Variants in LRGUK observed in about 807,000 individuals in gnomAD.
LRGUK encodes leucine rich repeats and guanylate kinase domain containing, also known as leucine-rich repeat and guanylate kinase domain-containing protein.
In LRGUK, 65 loss-of-function variants were observed where a neutral mutation model predicts 76.0. The observed-to-expected ratio is 0.85, with a 90% confidence interval of 0.70 to 1.05. The LOEUF (loss-of-function observed/expected upper bound fraction) is 1.05, where lower values mean the gene tolerates loss of function less well. LRGUK is among the 50% of genes least tolerant of loss of function. The pLI is 0.00. For synonymous variants in LRGUK, 268 were observed against 265.6 expected, an observed-to-expected ratio of 1.01 and a Z score of -0.09; for missense variants, 758 against 732.8, an observed-to-expected ratio of 1.03 and a Z score of -0.40.
chr7:134,193,498 A>C (rs1468959467), intron 12 of LRGUK, among the ~76,000 whole-genome samples: 1 of 152,094 alleles, frequency 6.6e-6, no homozygotes, highest in Admixed American at 6.5e-5. Context: ...CTAGTCTAAA[A>C]AGTCACTACA....
At chr7:134,167,039 C>A (rs1287922609) in intron 7 of LRGUK, among the ~76,000 whole-genome samples, 1 of 152,168 alleles carries the variant, frequency 6.6e-6, no homozygotes, top group African/African-American at 2.4e-5. Flanking sequence ...CAGGGGCTGA[C>A]AACATTGATG....
At chr7:134,196,614 G>A (rs1048654605) in intron 12 of LRGUK, among the ~76,000 whole-genome samples, 1 of 152,204 alleles carries the variant, frequency 6.6e-6, no homozygotes, top group African/African-American at 2.4e-5. Flanking sequence ...TGGCACAGCT[G>A]AAATGGCGGC....
At chr7:134,214,221 T>G (rs1006743430), downstream of LRGUK, among the ~76,000 whole-genome samples, 18 of 120,932 alleles carry the variant, frequency 1.5e-4, no homozygotes, top group Non-Finnish European at 2.9e-4. Flanking sequence ...AGGATAGACT[T>G]TTTTTTTTTG....
At chr7:134,153,524 T>C (rs1305386370) in intron 5 of LRGUK, among the ~76,000 whole-genome samples, 1 of 152,166 alleles carries the variant, frequency 6.6e-6, no homozygotes, top group African/African-American at 2.4e-5. Context: ...GAAAAATTCA[T>C]AGAAATTTAA....
At chr7:134,237,050 CTTTTTT>C (rs10555261) in intron 16 of LRGUK, among the ~76,000 whole-genome samples, 3 of 75,170 alleles carry the variant, frequency 4.0e-5, no homozygotes, top group African/African-American at 1.3e-4. Context: ...TTTTCTCTTT[CTTTTTT>C]TTTTTTTTTT....
intron 7 of LRGUK, among the ~76,000 whole-genome samples, chr7:134,164,644 G>A (rs1190103517): frequency 1.3e-5 from 2 of 152,074 alleles, no homozygotes; most frequent in Admixed American, 6.5e-5. Context: ...TGAAAAATTG[G>A]GCTGAGCCTG....
chr7:134,239,472 C>T (rs1402549684), intron 16 of LRGUK, among the ~76,000 whole-genome samples: 4 of 152,198 alleles, frequency 2.6e-5, no homozygotes, highest in Admixed American at 6.5e-5. Context: ...AGTCTGAGAT[C>T]GACCTGCAAG....
intron 1 of LRGUK, among the ~76,000 whole-genome samples, chr7:134,135,665 G>GGTATTTA (rs1249117837): frequency 2.0e-5 from 3 of 152,166 alleles, no homozygotes; most frequent in African/African-American, 7.2e-5. Flanking sequence ...GCCATGTGCT[G>GGTATTTA]CCTCCATGCA....
intron 18 of LRGUK, among the ~76,000 whole-genome samples, chr7:134,252,899 G>T (rs1212407142): frequency 6.6e-6 from 1 of 152,160 alleles, no homozygotes; most frequent in African/African-American, 2.4e-5. Context: ...AACTCCTGGG[G>T]ATATCTCATT....
intron 12 of LRGUK, among the ~76,000 whole-genome samples, chr7:134,194,943 A>G (rs557138736): frequency 2.0e-5 from 3 of 152,248 alleles, no homozygotes; most frequent in East Asian, 3.9e-4. Flanking sequence ...AGGAGACCAC[A>G]TTTTATCATT....
intron 18 of LRGUK, among the ~76,000 whole-genome samples, chr7:134,252,364 A>T (rs539669834): frequency 2.0e-3 from 299 of 148,730 alleles, no homozygotes; most frequent in African/African-American, 7.4e-3. Context: ...AAATTAAATT[A>T]AATTAAATTA....
At chr7:134,210,860 C>A (rs1222924697), downstream of LRGUK, among the ~76,000 whole-genome samples, 4 of 152,172 alleles carry the variant, frequency 2.6e-5, no homozygotes, top group Non-Finnish European at 5.9e-5. Context: ...TGGGGCAGTG[C>A]CACAGGACAA....
intron 16 of LRGUK, among the ~76,000 whole-genome samples, chr7:134,225,285 G>A (rs981914626): frequency 2.0e-5 from 3 of 152,074 alleles, no homozygotes; most frequent in African/African-American, 4.8e-5. Flanking sequence ...ATGATTGGTG[G>A]GGGAAAGGAC....
intron 16 of LRGUK, among the ~76,000 whole-genome samples, chr7:134,229,906 T>C (rs1441705062): frequency 1.3e-5 from 2 of 152,124 alleles, no homozygotes; most frequent in Admixed American, 6.5e-5. Context: ...AGATTATCTA[T>C]AAAATGTGAA....
At chr7:134,269,643 C>G in the LRGUK span, among the ~76,000 whole-genome samples, 4 of 152,232 alleles carry the variant, frequency 2.6e-5, no homozygotes, top group South Asian at 8.3e-4. Context: ...AGCCACTGTG[C>G]CTAGCCTCAA....
intron 5 of LRGUK, among the ~76,000 whole-genome samples, chr7:134,154,724 C>T (rs1798385433): frequency 6.6e-6 from 1 of 152,202 alleles, no homozygotes; most frequent in Non-Finnish European, 1.5e-5. Context: ...CCTGCAGAAA[C>T]CATAGGTATG....
chr7:134,204,827 G>T (rs1585552178), intron 15 of LRGUK, among the ~76,000 whole-genome samples: 1 of 152,174 alleles, frequency 6.6e-6, no homozygotes, highest in Non-Finnish European at 1.5e-5. Context: ...AAGGAATGGG[G>T]ACCAGATGTT....
chr7:134,176,150 C>T (rs1243948534), intron 8 of LRGUK, among the ~76,000 whole-genome samples: 2 of 152,096 alleles, frequency 1.3e-5, no homozygotes, highest in African/African-American at 2.4e-5. Context: ...ACCACATGTC[C>T]TCACTTAAAA....
chr7:134,130,524 TTTTA>T (rs1254570308), intron 1 of LRGUK, among the ~76,000 whole-genome samples: 2 of 152,262 alleles, frequency 1.3e-5, no homozygotes, highest in African/African-American at 4.8e-5. Context: ...AATTTTGTGT[TTTTA>T]TTCTATTTTG....
Sources: gnomAD v4.1 joint callset for allele counts (sites outside exome capture counted in the v4.1 genomes callset) on GRCh38, gnomAD v4.1.1 for gene constraint, MANE v1.5 for transcripts, NCBI Gene and HGNC (gene_info 2026-07-23, HGNC 2026-07-21) for gene names.